CCSER2: variants seen among roughly 807,000 people sequenced by gnomAD.
CCSER2 encodes the protein coiled-coil serine rich protein 2.
A neutral mutation model predicts 92.3 loss-of-function variants in CCSER2; 46 were observed. That is an observed-to-expected ratio of 0.50 (90% CI 0.39 to 0.64). The LOEUF (loss-of-function observed/expected upper bound fraction) is 0.64, where lower values mean the gene tolerates loss of function less well. CCSER2 is among the 30% of genes least tolerant of loss of function. CCSER2 has a pLI of 0.00. For synonymous variants in CCSER2, 433 were observed against 431.4 expected, an observed-to-expected ratio of 1.00 and a Z score of -0.04; for missense variants, 1,244 against 1,238.9, an observed-to-expected ratio of 1.00 and a Z score of -0.06.
At chr10:84,384,540 A>G (rs752192449) in intron 3 of CCSER2, among the ~76,000 whole-genome samples, 4 of 152,238 alleles carry the variant, frequency 2.6e-5, no homozygotes, top group East Asian at 1.9e-4. Context: ...ATCTCAATAG[A>G]TGAAGAAAAA....
intron 5 of CCSER2, among the ~76,000 whole-genome samples, chr10:84,433,984 T>C (rs1222413474): frequency 6.6e-6 from 1 of 152,236 alleles, no homozygotes; most frequent in East Asian, 1.9e-4. Context: ...ACATGGCTAC[T>C]AGCATTCTAG....
chr10:84,373,017 C>T (rs1298894394), intron 2 of CCSER2, among the ~76,000 whole-genome samples: 4 of 152,016 alleles, frequency 2.6e-5, no homozygotes, highest in African/African-American at 9.7e-5. Flanking sequence ...AACATTTCCT[C>T]TTATGTTTGG....
rs117535286 is a variant in CCSER2 at position 84,515,029 on chromosome 10, C to T, written c.*762C>T. The stretch of plus-strand genomic sequence containing the variant: ...ATTTGTTACTGGGTAAATTTTGGAG[C>T]GCTTGAGATACACCTTGAAACCTGT... On this transcript the variant is annotated 3_prime_UTR_variant, in exon 10 of 10. Transcript: ENST00000372088. The T allele has an allele frequency of 0.02, 3,032 of 152,642 alleles. 47 individuals carry two copies. Among genetic ancestry groups the T allele is most frequent in the South Asian group, 0.069 (334 of 4,808 alleles). The allele number at this position is 152,642 out of a possible 1,614,324, so 9.5% of individuals were successfully genotyped here.
At chr10:84,493,551 T>G (rs1408401044) in intron 9 of CCSER2, among the ~76,000 whole-genome samples, 1 of 152,224 alleles carries the variant, frequency 6.6e-6, no homozygotes, top group Non-Finnish European at 1.5e-5. Flanking sequence ...TTGGCTATTT[T>G]TAATGGTTAT....
At chr10:84,436,648 A>AAG (rs1429311387) in intron 5 of CCSER2, among the ~76,000 whole-genome samples, 1 of 151,808 alleles carries the variant, frequency 6.6e-6, no homozygotes, top group African/African-American at 2.4e-5. Flanking sequence ...AAAAAAAAAA[A>AAG]AAAAGGAAGT....
At chr10:84,466,666 G>C (rs1208300328) in intron 7 of CCSER2, among the ~76,000 whole-genome samples, 1 of 150,996 alleles carries the variant, frequency 6.6e-6, no homozygotes, top group Non-Finnish European at 1.5e-5. Context: ...CGCCACGCCT[G>C]GCTAATTTTT....
At chr10:84,399,195 A>T (rs1309781464) in intron 3 of CCSER2, among the ~76,000 whole-genome samples, 1 of 151,620 alleles carries the variant, frequency 6.6e-6, no homozygotes, top group African/African-American at 2.4e-5. Context: ...CCATCCTCCT[A>T]CCTTTTGTAG....
chr10:84,436,393 T>G (rs1194346712), intron 5 of CCSER2, among the ~76,000 whole-genome samples: 2 of 140,108 alleles, frequency 1.4e-5, no homozygotes, highest in Non-Finnish European at 3.0e-5. Flanking sequence ...CCCAGCACTT[T>G]GGGAGGCCGA....
chr10:84,383,850 A>G (rs143033849), intron 3 of CCSER2, among the ~76,000 whole-genome samples: 11 of 152,324 alleles, frequency 7.2e-5, no homozygotes, highest in Non-Finnish European at 1.5e-4. Context: ...ATGAAATGAA[A>G]ACTTGGTTCT....
intron 9 of CCSER2, among the ~76,000 whole-genome samples, chr10:84,511,259 ACT>A (rs1364213327): frequency 3.9e-5 from 6 of 152,050 alleles, no homozygotes; most frequent in Admixed American, 6.6e-5. Context: ...TGTCTTTCTG[ACT>A]CTGCTGTATT....
intron 3 of CCSER2, among the ~76,000 whole-genome samples, chr10:84,409,301 T>C (rs1031169282): frequency 3.5e-5 from 5 of 143,222 alleles, no homozygotes; most frequent in Non-Finnish European, 7.7e-5. Flanking sequence ...TATTTATTTA[T>C]TTAAAAAAAT....
At chr10:84,391,112 T>C (rs1420975756) in intron 3 of CCSER2, 1 of 781,974 alleles carries the variant, frequency 1.3e-6, no homozygotes, top group Non-Finnish European at 2.4e-6. Flanking sequence ...AAATGGAACA[T>C]GTTAAATGGT....
chr10:84,509,166 T>C (rs1849222426), intron 9 of CCSER2, among the ~76,000 whole-genome samples: 1 of 152,210 alleles, frequency 6.6e-6, no homozygotes, highest in African/African-American at 2.4e-5. Context: ...TTTTTTCCTA[T>C]TAGATTATTT....
At chr10:84,458,434 T>C (rs1283327427) in intron 6 of CCSER2, among the ~76,000 whole-genome samples, 5 of 152,238 alleles carry the variant, frequency 3.3e-5, no homozygotes, top group Admixed American at 3.3e-4. Flanking sequence ...TCTTGATTAC[T>C]GGAGCTTTAT....
intron 3 of CCSER2, among the ~76,000 whole-genome samples, chr10:84,415,834 G>A (rs1842863213): frequency 6.6e-6 from 1 of 152,186 alleles, no homozygotes; most frequent in Non-Finnish European, 1.5e-5. Flanking sequence ...CAGACTCCTT[G>A]TTACTGCTGG....
At position 84,409,708 on chromosome 10, in the gene CCSER2, A is replaced by G. The variant is rs556772229; in HGVS notation, c.1615-8063A>G. Among the ~76,000 whole-genome samples, 3 of 152,162 alleles carry G rather than the reference A, an allele frequency of 2.0e-5. No individual in the cohort carries two copies. The East Asian group carries it at 5.8e-4, about 29-fold the overall frequency. On this transcript the variant is annotated intron_variant, in intron 3 of 9. Transcript: ENST00000372088. ...TATGTTTGTTGTCTTGATTTTGATG[A>G]TGTTTCCGTACCATGACTGTAATGT...
chr10:84,425,836 A>C lies in CCSER2; in HGVS notation c.1811A>C (p.His604Pro). The C allele has an allele frequency of 6.2e-7, 1 of 1,613,022 alleles. No individual in the cohort carries two copies. ...RPPQRWSGQE[H>P]YHLSHPDHYH... ...CCCCAGAGGTGGAGTGGACAGGAGC[A>C]TTACCACCTCAGCCACCCTGACCAC... The change falls in exon 5 of 10, where the codon CAT becomes CCT. Residue 604 changes from histidine to proline, a missense_variant. By Grantham distance (77) the His-to-Pro change is moderately conservative. Coordinates refer to ENST00000372088, the MANE Select transcript of CCSER2 (RefSeq NM_001284240.2).
At chr10:84,377,943 A>G (rs1171689284) in intron 3 of CCSER2, among the ~76,000 whole-genome samples, 1 of 152,164 alleles carries the variant, frequency 6.6e-6, no homozygotes, top group Non-Finnish European at 1.5e-5. Context: ...TTGTAAATTC[A>G]TCTACTAGTT....
intron 4 of CCSER2, among the ~76,000 whole-genome samples, chr10:84,421,260 CTG>C (rs1475023644): frequency 1.3e-5 from 2 of 152,138 alleles, no homozygotes; most frequent in Non-Finnish European, 2.9e-5. Context: ...GATTTGGAGA[CTG>C]TTATTGGAGG....
Sources: gnomAD v4.1 joint callset for allele counts (sites outside exome capture counted in the v4.1 genomes callset) on GRCh38, gnomAD v4.1.1 for gene constraint, MANE v1.5 for transcripts, NCBI Gene and HGNC (gene_info 2026-07-23, HGNC 2026-07-21) for gene names.